Variants in LRMDA observed in about 807,000 individuals in gnomAD.
The protein encoded by LRMDA is leucine rich melanocyte differentiation associated.
A neutral mutation model predicts 29.8 loss-of-function variants in LRMDA; 18 were observed. The ratio of observed to expected loss-of-function variants is 0.60; its 90% CI spans 0.42 to 0.90. The LOEUF is 0.90. Ranked by LOEUF, LRMDA falls within the 40% of genes least tolerant of loss-of-function variation. The pLI is 0.00. For missense variants in LRMDA, 273 were observed against 273.9 expected, an observed-to-expected ratio of 1.00 and a Z score of 0.02; for synonymous variants, 125 against 109.4, an observed-to-expected ratio of 1.14 and a Z score of -0.89.
intron 2 of LRMDA, among the ~76,000 whole-genome samples, chr10:75,997,071 T>C (rs1847480473): frequency 6.6e-6 from 1 of 152,100 alleles, no homozygotes; most frequent in Non-Finnish European, 1.5e-5. Context: ...ACTATGAAAA[T>C]AATGCATATT....
chr10:75,682,468 ACT>A (rs1842034938), intron 2 of LRMDA, among the ~76,000 whole-genome samples: 3 of 151,528 alleles, frequency 2.0e-5, no homozygotes, highest in Non-Finnish European at 4.4e-5. Context: ...ACACACACAC[ACT>A]CAATACCAAT....
chr10:76,522,719 A>G (rs1843133285), intron 6 of LRMDA, among the ~76,000 whole-genome samples: 1 of 152,160 alleles, frequency 6.6e-6, no homozygotes, highest in Non-Finnish European at 1.5e-5. Context: ...CTGCATTTCT[A>G]GGATGATCCC....
At chr10:76,508,280 C>A (rs899094249) in intron 6 of LRMDA, among the ~76,000 whole-genome samples, 3 of 152,092 alleles carry the variant, frequency 2.0e-5, no homozygotes, top group African/African-American at 7.2e-5. Flanking sequence ...GTGTAAGTAT[C>A]CTGTTCCACA....
chr10:75,863,058 C>G (rs1844959555), intron 2 of LRMDA, among the ~76,000 whole-genome samples: 2 of 151,726 alleles, frequency 1.3e-5, no homozygotes, highest in African/African-American at 4.8e-5. Flanking sequence ...ATAAAGATAG[C>G]TCTGTCCTAC....
At chr10:75,977,072 A>G (rs1381182984) in intron 2 of LRMDA, among the ~76,000 whole-genome samples, 1 of 150,890 alleles carries the variant, frequency 6.6e-6, no homozygotes, top group Non-Finnish European at 1.5e-5. Context: ...CACATTTGCT[A>G]TTTATACTTT....
intron 6 of LRMDA, among the ~76,000 whole-genome samples, chr10:76,378,858 C>CTTTTTTTTTTTTTTTTTTTCT (rs144037195): frequency 1.9e-4 from 23 of 118,946 alleles, no homozygotes; most frequent in Middle Eastern, 6.1e-3. Context: ...CTTTTTTTTT[C>CTTTTTTTTTTTTTTTTTTTCT]TTTTTTTTTT....
intron 2 of LRMDA, among the ~76,000 whole-genome samples, chr10:75,512,231 G>A (rs190107732): frequency 2.6e-4 from 39 of 152,310 alleles, no homozygotes; most frequent in African/African-American, 9.4e-4. Flanking sequence ...TGCCATAAAG[G>A]TCCATGTCTT....
At chr10:75,730,788 G>A (rs761783931) in intron 2 of LRMDA, among the ~76,000 whole-genome samples, 3 of 151,556 alleles carry the variant, frequency 2.0e-5, no homozygotes, top group Non-Finnish European at 4.4e-5. Flanking sequence ...CTTAAGCCTT[G>A]AACCTTCTTT....
chr10:76,462,483 TTTG>T (rs1211748375), intron 6 of LRMDA, among the ~76,000 whole-genome samples: 1 of 152,240 alleles, frequency 6.6e-6, no homozygotes, highest in African/African-American at 2.4e-5. Context: ...CCAGCTCCTT[TTTG>T]TTAACATTCT....
At chr10:75,670,075 T>C (rs1045905907) in intron 2 of LRMDA, among the ~76,000 whole-genome samples, 1 of 152,228 alleles carries the variant, frequency 6.6e-6, no homozygotes, top group African/African-American at 2.4e-5. Context: ...GAAACATTGT[T>C]TGATGTTAAA....
chr10:76,444,145 T>C (rs372680647), intron 6 of LRMDA, among the ~76,000 whole-genome samples: 12 of 152,352 alleles, frequency 7.9e-5, no homozygotes, highest in East Asian at 5.8e-4. Context: ...TGAGAAAATA[T>C]GCTGGCATTA....
At chr10:75,596,302 T>G (rs61860461) in intron 2 of LRMDA, among the ~76,000 whole-genome samples, 10,746 of 152,278 alleles carry the variant, frequency 0.071, 512 homozygotes, top group Non-Finnish European at 0.11. Flanking sequence ...GTATCTGCAC[T>G]CTCCGCCCTT....
At chr10:76,468,975 A>G (rs1017885933) in intron 6 of LRMDA, among the ~76,000 whole-genome samples, 2 of 152,208 alleles carry the variant, frequency 1.3e-5, no homozygotes. Context: ...CCTGCTCCCC[A>G]GTGAAGCAAA....
chr10:76,097,782 A>G (rs942128117), intron 5 of LRMDA, among the ~76,000 whole-genome samples: 2 of 152,110 alleles, frequency 1.3e-5, no homozygotes, highest in Admixed American at 1.3e-4. Context: ...TGGTAATGAC[A>G]TATTTTTAAT....
intron 4 of LRMDA, among the ~76,000 whole-genome samples, chr10:76,055,568 C>T (rs1005267302): frequency 6.6e-6 from 1 of 152,214 alleles, no homozygotes; most frequent in Non-Finnish European, 1.5e-5. Flanking sequence ...GTGGGCTGCA[C>T]TTGGCTCGTG....
intron 5 of LRMDA, among the ~76,000 whole-genome samples, chr10:76,164,781 G>GA (rs1850706222): frequency 6.6e-6 from 1 of 151,964 alleles, no homozygotes; most frequent in South Asian, 2.1e-4. Flanking sequence ...TTTTAGCCTT[G>GA]AAAAAAATTC....
chr10:75,864,639 T>C (rs915353278), intron 2 of LRMDA, among the ~76,000 whole-genome samples: 3 of 152,272 alleles, frequency 2.0e-5, no homozygotes, highest in Non-Finnish European at 2.9e-5. Flanking sequence ...TCTGCTCTAA[T>C]GTTAGTAACT....
chr10:76,415,869 C>T (rs763845720), intron 6 of LRMDA, among the ~76,000 whole-genome samples: 34 of 152,304 alleles, frequency 2.2e-4, no homozygotes, highest in South Asian at 2.1e-4. Flanking sequence ...TTGTTCTCCT[C>T]GCTGCTTCTT....
chr10:76,461,742 A>C (rs1241649129), intron 6 of LRMDA, among the ~76,000 whole-genome samples: 1 of 152,080 alleles, frequency 6.6e-6, no homozygotes, highest in Non-Finnish European at 1.5e-5. Flanking sequence ...TTGATACTCA[A>C]AGGGTGTTTT....
Sources: allele counts gnomAD v4.1 joint callset (sites outside exome capture counted in the v4.1 genomes callset), GRCh38; gene constraint gnomAD v4.1.1; transcripts MANE v1.5; gene names NCBI Gene and HGNC (gene_info 2026-07-23, HGNC 2026-07-21).